Variants in RYR3 observed in about 807,000 individuals in gnomAD.
The protein encoded by RYR3 is brain ryanodine receptor-calcium release channel.
Under a neutral mutation model 584.3 loss-of-function variants are expected in RYR3, and 207 were observed. The observed-to-expected ratio is 0.35, with a 90% confidence interval of 0.32 to 0.40. The LOEUF (loss-of-function observed/expected upper bound fraction) is 0.40, where lower values mean the gene tolerates loss of function less well. RYR3 is among the 10% of genes least tolerant of loss of function. The probability of loss-of-function intolerance (pLI) is 1.00; values close to 1 mark genes in which losing one functional copy is unlikely to be tolerated. For synonymous variants in RYR3, 2,416 were observed against 2,248.5 expected (o/e 1.07, Z -2.11); for missense variants, 5,616 against 6,089.2 (o/e 0.92, Z 2.59).
intron 1 of RYR3, among the ~76,000 whole-genome samples, chr15:33,394,499 C>A (rs117133048): frequency 6.6e-6 from 1 of 152,172 alleles, no homozygotes; most frequent in Non-Finnish European, 1.5e-5. Flanking sequence ...GGTGTGGGAG[C>A]AAGGGGTATG....
At position 33,800,800 on chromosome 15, in the gene RYR3, T is replaced by C; in HGVS notation, c.9861T>C (p.Asp3287=). ...RSNWLKSPDA[D]SDQLFRMVAE... is the part of the protein sequence containing the mutation. ...ACTGGCTGAAAAGTCCTGATGCTGATTCTGACCAGCTCTTCCGCATGGTGG... is the reference window on the plus strand; with the variant it reads ...ACTGGCTGAAAAGTCCTGATGCTGACTCTGACCAGCTCTTCCGCATGGTGG... The change falls in exon 68 of 104, where the codon GAT becomes GAC. Residue 3287 remains aspartate, a synonymous_variant. Transcript: ENST00000634891. The C allele has an allele frequency of 3.7e-6, 6 of 1,613,904 alleles. No individual in the cohort carries two copies. Among genetic ancestry groups the C allele is most frequent in the Non-Finnish European group, 5.1e-6 (6 of 1,179,758 alleles).
At chr15:33,746,836 T>G (rs1596403940) in intron 53 of RYR3, among the ~76,000 whole-genome samples, 1 of 143,920 alleles carries the variant, frequency 6.9e-6, no homozygotes, top group Admixed American at 7.1e-5. Flanking sequence ...TGAGGCAGGG[T>G]CTCGTTCTGT....
intron 43 of RYR3, among the ~76,000 whole-genome samples, chr15:33,708,910 G>A (rs549735852): frequency 1.2e-4 from 19 of 152,192 alleles, no homozygotes; most frequent in Admixed American, 2.0e-4. Context: ...CCCATTGGCC[G>A]ATTTAAATAG....
intron 3 of RYR3, among the ~76,000 whole-genome samples, chr15:33,522,721 G>T (rs1166323807): frequency 2.0e-5 from 3 of 152,102 alleles, no homozygotes. Context: ...GCTCTTTGGG[G>T]TTTCATACCA....
At chr15:33,454,736 A>G (rs1337432260) in intron 1 of RYR3, among the ~76,000 whole-genome samples, 2 of 152,208 alleles carry the variant, frequency 1.3e-5, no homozygotes, top group Non-Finnish European at 2.9e-5. Context: ...ATCCTAGGCC[A>G]AAAGAACAGC....
At chr15:33,523,018 G>A (rs764276011) in intron 3 of RYR3, among the ~76,000 whole-genome samples, 2 of 152,168 alleles carry the variant, frequency 1.3e-5, no homozygotes, top group South Asian at 4.1e-4. Flanking sequence ...GTGTTGTCTA[G>A]CCCTATTGAG....
At chr15:33,747,912 G>A (rs2070904186) in intron 53 of RYR3, among the ~76,000 whole-genome samples, 1 of 152,176 alleles carries the variant, frequency 6.6e-6, no homozygotes, top group Admixed American at 6.5e-5. Context: ...GGGCAGGAAA[G>A]ACCGTAGGGT....
intron 3 of RYR3, among the ~76,000 whole-genome samples, chr15:33,523,150 A>G (rs1167747057): frequency 6.6e-6 from 1 of 152,104 alleles, no homozygotes; most frequent in African/African-American, 2.4e-5. Flanking sequence ...AAACACACCA[A>G]TCAGCACTCT....
intron 5 of RYR3, among the ~76,000 whole-genome samples, chr15:33,535,870 G>A (rs1292497537): frequency 6.6e-6 from 1 of 152,154 alleles, no homozygotes; most frequent in Non-Finnish European, 1.5e-5. Context: ...CCATATTCAA[G>A]CTGGCTGTTG....
intron 102 of RYR3, among the ~76,000 whole-genome samples, chr15:33,862,357 C>G (rs1489641046): frequency 1.5e-5 from 2 of 134,636 alleles, no homozygotes; most frequent in Admixed American, 7.9e-5. Context: ...AGGTGTACCA[C>G]TAATTTAGCA....
At position 33,775,650 on chromosome 15, in the gene RYR3, T is replaced by C. The variant is rs527956268; in HGVS notation, c.9137+2035T>C. On this transcript the variant is annotated intron_variant, in intron 64 of 103. Coordinates refer to ENST00000634891, the MANE Select transcript of RYR3 (RefSeq NM_001036.6). ...GTGGCCACAAAACGGGCTACTTCTT[T>C]CGCTTTGCCTGACCTCCAGGGTTTC... is the stretch of plus-strand genomic sequence containing the variant. Among the ~76,000 whole-genome samples, 12 of 152,302 alleles carry C rather than the reference T, an allele frequency of 7.9e-5. No homozygotes were observed. The South Asian group carries it at 2.3e-3, about 29-fold the overall frequency.
rs2060393141 is a variant in RYR3 at position 33,615,253 on chromosome 15, G to T, written c.2357+1878G>T. 2.6e-5 allele frequency among the ~76,000 whole-genome samples: 4 copies of T among 152,140 alleles called. No individual in the cohort carries two copies. In the South Asian group the frequency reaches 8.3e-4, roughly 32 times the overall value. On this transcript the variant is annotated intron_variant, in intron 19 of 103. Transcript: ENST00000634891. ...AGGAGCTGAGATCTGGGATCACAAAGAAACCATTTCAGGGATCCAGGTCCA... is the reference window on the plus strand; with the variant it reads ...AGGAGCTGAGATCTGGGATCACAAATAAACCATTTCAGGGATCCAGGTCCA...
At chr15:33,591,353 ATCT>A (rs1422046758) in intron 16 of RYR3, among the ~76,000 whole-genome samples, 1 of 152,096 alleles carries the variant, frequency 6.6e-6, no homozygotes, top group East Asian at 1.9e-4. Flanking sequence ...TTTCTCTTAC[ATCT>A]GTAAGTTCCT....
intron 1 of RYR3, among the ~76,000 whole-genome samples, chr15:33,361,820 C>A (rs190521720): frequency 6.6e-6 from 1 of 152,204 alleles, no homozygotes; most frequent in African/African-American, 2.4e-5. Context: ...CTCCCAGTGA[C>A]TTGAAGCTAA....
chr15:33,387,491 T>G (rs2041686118), intron 1 of RYR3, among the ~76,000 whole-genome samples: 1 of 152,178 alleles, frequency 6.6e-6, no homozygotes, highest in African/African-American at 2.4e-5. Flanking sequence ...TCACCAACAC[T>G]TGTTATTTTC....
chr15:33,574,828 G>T (rs149929117), intron 12 of RYR3, among the ~76,000 whole-genome samples: 1 of 152,260 alleles, frequency 6.6e-6, no homozygotes, highest in Non-Finnish European at 1.5e-5. Flanking sequence ...AAAAGACACA[G>T]AATGGCAAGC....
rs367764975 is a variant in RYR3 at position 33,669,502 on chromosome 15, T to C, written c.5722+46T>C. 21 of 1,543,794 alleles carry C rather than the reference T, an allele frequency of 1.4e-5. No individual in the cohort carries two copies. In the African/African-American group the frequency reaches 2.9e-4, roughly 21 times the overall value. ...CTTTGTCCTTTTTTTACAAGAAGAG[T>C]CTGTTTTTGATTCCTTCATTAGAAA... On this transcript the variant is annotated intron_variant, in intron 37 of 103. Coordinates refer to ENST00000634891, the MANE Select transcript of RYR3 (RefSeq NM_001036.6).
At position 33,696,392 on chromosome 15, in the gene RYR3, G is replaced by A. The variant is rs1005968970; in HGVS notation, c.6035G>A (p.Ser2012Asn). 6.2e-7 allele frequency: 1 copy of A among 1,613,952 alleles called. No individual in the cohort carries two copies. Among genetic ancestry groups the A allele is most frequent in the South Asian group, 1.1e-5 (1 of 91,068 alleles). Reference sequence around the variant, plus strand: ...TACACCATCAGCCACACCTCTGTAAGCGACACCATCAACCTGCTGGCTGCC... The same window carrying A: ...TACACCATCAGCCACACCTCTGTAAACGACACCATCAACCTGCTGGCTGCC... ...KTYTISHTSVSDTINLLAALG... is the reference protein window; with the variant it reads ...KTYTISHTSVNDTINLLAALG... Residue 2012 changes from serine to asparagine, a missense_variant, in exon 39 of 104, where the codon AGC becomes AAC. Ser to Asn is a conservative substitution (Grantham distance 46). Around this residue, in one of 9 missense-constraint regions of RYR3, gnomAD observed 1,280 missense variants for 1,426.2 expected, o/e 0.90. Coordinates refer to ENST00000634891, the MANE Select transcript of RYR3 (RefSeq NM_001036.6).
intron 1 of RYR3, among the ~76,000 whole-genome samples, chr15:33,319,555 G>A (rs1247936960): frequency 6.6e-6 from 1 of 152,224 alleles, no homozygotes; most frequent in Non-Finnish European, 1.5e-5. Context: ...AGGCATTTTA[G>A]GAGAAAAATA....
Sources: allele counts gnomAD v4.1 joint callset (sites outside exome capture counted in the v4.1 genomes callset), GRCh38; gene constraint gnomAD v4.1.1; regional missense constraint gnomAD v4.1.1; transcripts MANE v1.5; gene names NCBI Gene and HGNC (gene_info 2026-07-23, HGNC 2026-07-21).